MYRFL: variants seen among roughly 807,000 people sequenced by gnomAD.
MYRFL encodes the protein myelin regulatory factor-like protein.
A neutral mutation model predicts 109.4 loss-of-function variants in MYRFL; 88 were observed. That is an observed-to-expected ratio of 0.80 (90% CI 0.68 to 0.96). The LOEUF is 0.96. MYRFL is among the 40% of genes least tolerant of loss of function. The pLI, the probability that MYRFL is intolerant of heterozygous loss-of-function variation, is 0.00. For missense variants in MYRFL, 957 were observed against 954.9 expected (o/e 1.00, Z -0.03); for synonymous variants, 324 against 320.9 (o/e 1.01, Z -0.10).
chr12:69,915,475 C>T (rs1221941855), intron 13 of MYRFL, among the ~76,000 whole-genome samples: 1 of 152,148 alleles, frequency 6.6e-6, no homozygotes, highest in Non-Finnish European at 1.5e-5. Flanking sequence ...AGGTACCTCA[C>T]AACCTGATGC....
chr12:69,870,156 T>C (rs1192759586), intron 2 of MYRFL, among the ~76,000 whole-genome samples: 1 of 124,744 alleles, frequency 8.0e-6, no homozygotes. Context: ...TTGCCCAGGC[T>C]GGAGGGCAGT....
chr12:69,929,577 A>C (rs1360606231), intron 15 of MYRFL, among the ~76,000 whole-genome samples: 2 of 152,230 alleles, frequency 1.3e-5, no homozygotes, highest in Admixed American at 1.3e-4. Flanking sequence ...TGTTTAGGGA[A>C]GATAGTGGAA....
intron 2 of MYRFL, among the ~76,000 whole-genome samples, chr12:69,862,384 T>G (rs1420632135): frequency 3.3e-5 from 5 of 152,238 alleles, no homozygotes; most frequent in African/African-American, 1.2e-4. Flanking sequence ...CCCATGAGCA[T>G]GAAATGTTCT....
chr12:69,955,658 TA>T (rs1956076154), intron 22 of MYRFL, among the ~76,000 whole-genome samples: 1 of 152,146 alleles, frequency 6.6e-6, no homozygotes, highest in Non-Finnish European at 1.5e-5. Context: ...CTAACCTCTA[TA>T]CCCATGCCTA....
chr12:69,939,351 G>A (rs1485523872), intron 19 of MYRFL, among the ~76,000 whole-genome samples: 4 of 152,078 alleles, frequency 2.6e-5, no homozygotes, highest in Admixed American at 6.5e-5. Flanking sequence ...ATCTGAGAAC[G>A]GGCAGACTGC....
intron 15 of MYRFL, among the ~76,000 whole-genome samples, chr12:69,928,832 A>G (rs1455749219): frequency 6.6e-6 from 1 of 152,240 alleles, no homozygotes; most frequent in Non-Finnish European, 1.5e-5. Flanking sequence ...AATGTAGGAA[A>G]GGTACCCTTT....
chr12:69,947,734 A>G (rs1384099239), intron 19 of MYRFL, among the ~76,000 whole-genome samples: 2 of 152,210 alleles, frequency 1.3e-5, no homozygotes, highest in African/African-American at 4.8e-5. Flanking sequence ...GTGAATGGCC[A>G]GAAGAAAATG....
intron 10 of MYRFL, among the ~76,000 whole-genome samples, chr12:69,898,850 C>G (rs1954088642): frequency 6.6e-6 from 1 of 152,266 alleles, no homozygotes; most frequent in African/African-American, 2.4e-5. Flanking sequence ...GTCCACACAA[C>G]AGCAACATGA....
chr12:69,899,113 C>T (rs181168264), intron 10 of MYRFL, among the ~76,000 whole-genome samples: 1 of 152,256 alleles, frequency 6.6e-6, no homozygotes, highest in Non-Finnish European at 1.5e-5. Flanking sequence ...TTCTCCCAGA[C>T]ACAATTTTGG....
At chr12:69,906,496 T>G (rs1210912542) in intron 11 of MYRFL, among the ~76,000 whole-genome samples, 2 of 151,558 alleles carry the variant, frequency 1.3e-5, no homozygotes, top group Non-Finnish European at 2.9e-5. Context: ...AAGTTGAGAG[T>G]TGAATACATC....
rs141960277 is a variant in MYRFL at position 69,951,683 on chromosome 12, C to T, written c.2225-430C>T. The stretch of plus-strand genomic sequence containing the variant: ...CCTCAAGTGATCTGCCCGCCTTGGC[C>T]TCCCAGAGTGCTGGGATTACAGGCG... On this transcript the variant is annotated intron_variant, in intron 19 of 24. Coordinates refer to ENST00000552032, the MANE Select transcript of MYRFL (RefSeq NM_182530.3). Among the ~76,000 whole-genome samples the T allele has an allele frequency of 9.6e-4, 146 of 152,310 alleles. 1 individual carries two copies. The East Asian group carries it at 0.025, about 26-fold the overall frequency.
intron 7 of MYRFL, among the ~76,000 whole-genome samples, chr12:69,893,433 G>C (rs1287634781): frequency 6.6e-6 from 1 of 152,156 alleles, no homozygotes; most frequent in Non-Finnish European, 1.5e-5. Context: ...TGCTCCATAA[G>C]TACTTCTAGA....
intron 2 of MYRFL, among the ~76,000 whole-genome samples, chr12:69,867,337 A>G (rs1885072359): frequency 6.6e-6 from 1 of 152,242 alleles, no homozygotes; most frequent in Admixed American, 6.5e-5. Flanking sequence ...AAGAAGTGTT[A>G]TATGCACGTG....
At chr12:69,843,527 G>GA (rs1883361287) in intron 1 of MYRFL, among the ~76,000 whole-genome samples, 1 of 152,238 alleles carries the variant, frequency 6.6e-6, no homozygotes, top group South Asian at 2.1e-4. Flanking sequence ...GGCAGGTGGT[G>GA]AGTGGAGAAG....
intron 10 of MYRFL, among the ~76,000 whole-genome samples, chr12:69,897,503 A>G (rs1383543522): frequency 6.6e-6 from 1 of 152,212 alleles, no homozygotes; most frequent in East Asian, 1.9e-4. Flanking sequence ...CATTCTGCTC[A>G]GTACCTTACA....
At position 69,913,629 on chromosome 12, in the gene MYRFL, C is replaced by T. The variant is rs551877878; in HGVS notation, c.1602+2699C>T. 1.6e-4 allele frequency among the ~76,000 whole-genome samples: 24 copies of T among 152,214 alleles called. 1 individual carries two copies. The highest frequency in any genetic ancestry group is 5.5e-4 in the African/African-American group (23 of 41,530). ...ATATATGTGAGAGTTTATTTCTGTG[C>T]TGTTTATTATATTCCATTTGTCTGT... On this transcript the variant is annotated intron_variant, in intron 13 of 24. Coordinates refer to ENST00000552032, the MANE Select transcript of MYRFL (RefSeq NM_182530.3).
chr12:69,894,829 G>A (rs1274743330), intron 8 of MYRFL, among the ~76,000 whole-genome samples: 1 of 152,182 alleles, frequency 6.6e-6, no homozygotes, highest in African/African-American at 2.4e-5. Context: ...TTCATGGCCT[G>A]GACAGTCCAG....
At chr12:69,853,095 G>T (rs1345249003) in intron 1 of MYRFL, among the ~76,000 whole-genome samples, 1 of 152,246 alleles carries the variant, frequency 6.6e-6, no homozygotes, top group African/African-American at 2.4e-5. Context: ...TCAATGAGCT[G>T]TTGGGTACAC....
At chr12:69,936,416 T>A (rs1296849343) in intron 18 of MYRFL, 37 bp from the exon 19 acceptor site, 1 of 1,527,262 alleles carries the variant, frequency 6.5e-7, no homozygotes, top group Admixed American at 2.0e-5. Flanking sequence ...CAGGTTAACC[T>A]TCTTGCTTCC....
Sources: gnomAD v4.1 joint callset for allele counts (sites outside exome capture counted in the v4.1 genomes callset) on GRCh38, gnomAD v4.1.1 for gene constraint, MANE v1.5 for transcripts, NCBI Gene and HGNC (gene_info 2026-07-23, HGNC 2026-07-21) for gene names.